Variants in USH2A observed in about 807,000 individuals in gnomAD.
USH2A encodes the protein usherin, also known as Usher syndrome 2A (autosomal recessive, mild).
USH2A carries 443 observed loss-of-function variants against 538.9 expected under a neutral mutation model. The ratio of observed to expected loss-of-function variants is 0.82; its 90% CI spans 0.76 to 0.89. The LOEUF (loss-of-function observed/expected upper bound fraction) is 0.89, where lower values mean the gene tolerates loss of function less well. Ranked by LOEUF, USH2A falls within the 40% of genes least tolerant of loss-of-function variation. The probability of loss-of-function intolerance (pLI) is 0.00; values close to 1 mark genes in which losing one functional copy is unlikely to be tolerated. For missense variants in USH2A, 6,633 were observed against 6,324.8 expected (o/e 1.05, Z -1.65); for synonymous variants, 2,413 against 2,273.5 (o/e 1.06, Z -1.75).
At chr1:215,762,923 T>A (rs1364215766) in intron 56 of USH2A, among the ~76,000 whole-genome samples, 1 of 152,164 alleles carries the variant, frequency 6.6e-6, no homozygotes. Context: ...AGAACATGTC[T>A]ACTGTATTTG....
intron 38 of USH2A, among the ~76,000 whole-genome samples, chr1:215,917,617 G>A (rs1665987010): frequency 6.6e-6 from 1 of 151,506 alleles, no homozygotes; most frequent in Admixed American, 6.6e-5. Flanking sequence ...ATTATCCCTT[G>A]TTGAATGTAT....
chr1:216,326,901 A>G (rs938083920), intron 5 of USH2A, among the ~76,000 whole-genome samples: 3 of 152,292 alleles, frequency 2.0e-5, no homozygotes, highest in Non-Finnish European at 2.9e-5. Context: ...ACAATATACT[A>G]TTATACCATG....
chr1:216,082,001 T>C (rs550168038), intron 26 of USH2A, among the ~76,000 whole-genome samples: 10 of 152,052 alleles, frequency 6.6e-5, no homozygotes, highest in Non-Finnish European at 1.3e-4. Context: ...GGTGGAAGCA[T>C]GGCATAGTAG....
chr1:215,842,560 A>G (rs912626198), intron 46 of USH2A, among the ~76,000 whole-genome samples: 5 of 152,198 alleles, frequency 3.3e-5, no homozygotes, highest in African/African-American at 1.2e-4. Flanking sequence ...AATCAACCCA[A>G]ACGTCCATCA....
intron 3 of USH2A, among the ~76,000 whole-genome samples, chr1:216,400,251 G>T (rs1180781887): frequency 6.7e-6 from 1 of 149,392 alleles, no homozygotes; most frequent in Non-Finnish European, 1.5e-5. Context: ...AGATCCAAAC[G>T]GAAACTAAAT....
intron 11 of USH2A, among the ~76,000 whole-genome samples, chr1:216,275,808 A>G (rs2036660349): frequency 6.6e-6 from 1 of 152,132 alleles, no homozygotes; most frequent in Admixed American, 6.6e-5. Flanking sequence ...GCTTCTTTAT[A>G]TGAACATTGC....
intron 30 of USH2A, among the ~76,000 whole-genome samples, chr1:216,060,283 G>C (rs190506856): frequency 6.6e-6 from 1 of 152,132 alleles, no homozygotes; most frequent in African/African-American, 2.4e-5. Context: ...CATTTTATAA[G>C]TAATCTGAGA....
rs530189003 is a variant in USH2A, at chr1:215,789,760, C to T, written c.10182+299G>A. Among the ~76,000 whole-genome samples, 3 of 152,232 alleles carry T rather than the reference C, an allele frequency of 2.0e-5. No individual in the cohort carries two copies. In the South Asian group the frequency reaches 6.2e-4, roughly 32 times the overall value. On this transcript the variant is annotated intron_variant, in intron 51 of 71. Coordinates refer to ENST00000307340, the MANE Select transcript of USH2A (RefSeq NM_206933.4). Reference sequence around the variant, plus strand: ...CTCCCAGGCATGAAATGGCACCATGCAGAGGCCCCAGACGACCTGTGCTGG... The same window carrying T: ...CTCCCAGGCATGAAATGGCACCATGTAGAGGCCCCAGACGACCTGTGCTGG...
chr1:216,230,903 C>T (rs1403514424), intron 14 of USH2A, among the ~76,000 whole-genome samples: 2 of 151,496 alleles, frequency 1.3e-5, no homozygotes, highest in Admixed American at 1.3e-4. Flanking sequence ...CTCTCTCACA[C>T]ACACACACAC....
chr1:216,352,353 G>A (rs1466119118), intron 4 of USH2A, among the ~76,000 whole-genome samples: 1 of 152,124 alleles, frequency 6.6e-6, no homozygotes, highest in Non-Finnish European at 1.5e-5. Context: ...AGTGAAGAAC[G>A]TATACCAAGG....
chr1:216,329,765 G>A (rs1438210939), intron 4 of USH2A, among the ~76,000 whole-genome samples: 1 of 151,874 alleles, frequency 6.6e-6, no homozygotes, highest in East Asian at 1.9e-4. Flanking sequence ...GGAACTTTCT[G>A]TGCCCCGCTA....
At chr1:216,202,109 T>C (rs773906134) in intron 16 of USH2A, among the ~76,000 whole-genome samples, 3 of 152,110 alleles carry the variant, frequency 2.0e-5, no homozygotes, top group Non-Finnish European at 4.4e-5. Flanking sequence ...AGAACAACGA[T>C]GGAAAATAAT....
intron 71 of USH2A, among the ~76,000 whole-genome samples, chr1:215,627,442 TTCCTTCC>T (rs1558027530): frequency 4.1e-4 from 48 of 118,478 alleles, no homozygotes; most frequent in South Asian, 8.5e-4. Context: ...CCTTCCTTCC[TTCCTTCC>T]TTCCTTCCTT....
intron 21 of USH2A, among the ~76,000 whole-genome samples, chr1:216,165,497 T>C (rs138284708): frequency 0.01 from 1,562 of 152,278 alleles, 30 homozygotes; most frequent in African/African-American, 0.034. Context: ...TTAAAATGTA[T>C]TTTCTTACAC....
At chr1:216,222,429 G>A (rs535073714) in intron 14 of USH2A, among the ~76,000 whole-genome samples, 9 of 152,234 alleles carry the variant, frequency 5.9e-5, no homozygotes, top group South Asian at 4.1e-4. Flanking sequence ...TTATGCCCAC[G>A]CCAACAATAT....
At chr1:216,102,804 AC>A (rs2032622507) in intron 21 of USH2A, among the ~76,000 whole-genome samples, 1 of 152,086 alleles carries the variant, frequency 6.6e-6, no homozygotes, top group Non-Finnish European at 1.5e-5. Flanking sequence ...CGTCTCAAAA[AC>A]AAACAAAAAA....
intron 21 of USH2A, among the ~76,000 whole-genome samples, chr1:216,167,151 C>T (rs967638980): frequency 6.6e-5 from 10 of 152,016 alleles, no homozygotes; most frequent in African/African-American, 2.4e-4. Context: ...CATATTATTA[C>T]TTAACATTTC....
At chr1:216,311,598 T>C (rs966590264) in intron 9 of USH2A, among the ~76,000 whole-genome samples, 2 of 152,096 alleles carry the variant, frequency 1.3e-5, no homozygotes, top group African/African-American at 4.8e-5. Context: ...GGTGGGGTTG[T>C]GGCATGGCAG....
At chr1:216,025,417 T>C (rs1668939329) in intron 32 of USH2A, among the ~76,000 whole-genome samples, 1 of 151,950 alleles carries the variant, frequency 6.6e-6, no homozygotes, top group Non-Finnish European at 1.5e-5. Flanking sequence ...AATTAGTCTC[T>C]GATAGTCTCC....
Sources: gnomAD v4.1 joint callset for allele counts (sites outside exome capture counted in the v4.1 genomes callset) on GRCh38, gnomAD v4.1.1 for gene constraint, MANE v1.5 for transcripts, NCBI Gene and HGNC (gene_info 2026-07-23, HGNC 2026-07-21) for gene names.